Variants in ZC3H7A observed in about 807,000 individuals in gnomAD.
ZC3H7A encodes zinc finger CCCH domain-containing protein 7A.
In ZC3H7A, 44 loss-of-function variants were observed where a neutral mutation model predicts 125.5. The observed-to-expected ratio is 0.35, with a 90% CI of 0.28 to 0.45. The LOEUF (loss-of-function observed/expected upper bound fraction) is 0.45, where lower values mean the gene tolerates loss of function less well. Among genes scored for constraint, ZC3H7A ranks in the 20% least tolerant of loss-of-function variants. The pLI, the probability that ZC3H7A is intolerant of heterozygous loss-of-function variation, is 1.00. For missense variants in ZC3H7A, 977 were observed against 1,170.7 expected, an observed-to-expected ratio of 0.83 and a Z score of 2.41; for synonymous variants, 399 against 391.2, an observed-to-expected ratio of 1.02 and a Z score of -0.23.
chr16:11,772,932 C>A (rs1263080450), intron 9 of ZC3H7A, among the ~76,000 whole-genome samples: 3 of 151,690 alleles, frequency 2.0e-5, no homozygotes, highest in Non-Finnish European at 4.4e-5. Context: ...TCCTGGTGAT[C>A]TGCCTGCCTC....
intron 1 of ZC3H7A, among the ~76,000 whole-genome samples, chr16:11,787,337 A>C (rs1054664731): frequency 7.9e-5 from 12 of 152,132 alleles, no homozygotes; most frequent in African/African-American, 2.9e-4. Context: ...ATTAACTGTC[A>C]CTCTACAAAG....
At chr16:11,764,633 A>G (rs2052822684) in intron 15 of ZC3H7A, among the ~76,000 whole-genome samples, 1 of 152,094 alleles carries the variant, frequency 6.6e-6, no homozygotes, top group Admixed American at 6.6e-5. Flanking sequence ...GAGGCAGGAG[A>G]TTCACTTGAA....
chr16:11,761,394 T>A lies in ZC3H7A; in HGVS notation c.2319+12A>T. On this transcript the variant is annotated intron_variant, in intron 19 of 22. Coordinates refer to ENST00000355758, the MANE Select transcript of ZC3H7A (RefSeq NM_014153.4). ...TAATTTAAAAAAAGTGGCTTAAAAA[T>A]TACGTATGTACATCAAACTGTAAAG... 2 of 1,610,978 alleles carry A rather than the reference T, an allele frequency of 1.2e-6. No homozygotes were observed. The highest frequency in any genetic ancestry group is 2.2e-5 in the South Asian group (2 of 90,166).
chr16:11,760,044 A>AGGAGGTGGAGGT (rs543543890), intron 19 of ZC3H7A, among the ~76,000 whole-genome samples: 1 of 144,218 alleles, frequency 6.9e-6, no homozygotes, highest in African/African-American at 2.6e-5. Context: ...GCTTGAACCC[A>AGGAGGTGGAGGT]GGAGGTGGAG....
chr16:11,769,231 G>A lies in ZC3H7A; in HGVS notation c.1109-136C>T, dbSNP rs2052923978. 6.1e-6 allele frequency: 4 copies of A among 652,510 alleles called. 1 individual carries two copies. The South Asian group carries it at 8.1e-5, about 13-fold the overall frequency. The allele number at this position is 652,510 out of a possible 1,614,324, so 40.4% of individuals were successfully genotyped here. A position where few individuals can be genotyped will look rare whatever the true frequency, so the allele number is the denominator to read the frequency against. On this transcript the variant is annotated intron_variant, in intron 10 of 22. Coordinates refer to ENST00000355758, the MANE Select transcript of ZC3H7A (RefSeq NM_014153.4). ...GTTTCTAGAAATTTTCTTGCTCAAG[G>A]TTGACACCCAAAGAGGGCTCTAGAG... is the stretch of plus-strand genomic sequence containing the variant.
chr16:11,788,047 T>C (rs143559064), intron 1 of ZC3H7A, among the ~76,000 whole-genome samples: 84 of 152,152 alleles, frequency 5.5e-4, no homozygotes, highest in African/African-American at 2.0e-3. Flanking sequence ...AAAAATATAC[T>C]ATCTTATTTT....
At chr16:11,790,562 G>A (rs919342199) in intron 1 of ZC3H7A, among the ~76,000 whole-genome samples, 25 of 152,056 alleles carry the variant, frequency 1.6e-4, no homozygotes, top group South Asian at 1.2e-3. Flanking sequence ...TGTTTGAGAC[G>A]GAGTTTCACT....
chr16:11,766,170 C>T (rs890280662), intron 13 of ZC3H7A, among the ~76,000 whole-genome samples: 2 of 151,866 alleles, frequency 1.3e-5, no homozygotes, highest in Non-Finnish European at 2.9e-5. Flanking sequence ...ATGAAAATAC[C>T]AAGTTCTCTC....
intron 4 of ZC3H7A, among the ~76,000 whole-genome samples, chr16:11,778,436 C>CAAAAAAAA (rs754842530): frequency 1.3e-5 from 1 of 74,090 alleles, no homozygotes; most frequent in Non-Finnish European, 2.6e-5. Context: ...GACACTGTCT[C>CAAAAAAAA]AAAAAAAAAA....
Position 11,765,372 on chromosome 16 carries a change from T to C in ZC3H7A, c.1719+117A>G, listed in dbSNP as rs1322478127. The C allele has an allele frequency of 5.9e-6, 4 of 675,412 alleles. No individual in the cohort carries two copies. Among genetic ancestry groups the C allele is most frequent in the African/African-American group, 1.9e-5 (1 of 53,340 alleles). 41.8% of individuals were successfully genotyped at this position (675,412 alleles called of 1,614,324 possible). On this transcript the variant is annotated intron_variant, in intron 14 of 22. Transcript: ENST00000355758. This position sits in a 1 kb window ranked among gnomAD's most constrained non-coding sequence, Gnocchi z 4.8. The stretch of plus-strand genomic sequence containing the variant: ...TTCATAAATATGATATTATTTATCA[T>C]ATAAATAAATGAATATTTATTCATT...
intron 15 of ZC3H7A, among the ~76,000 whole-genome samples, chr16:11,763,874 G>A (rs1158206583): frequency 1.3e-5 from 2 of 148,890 alleles, no homozygotes; most frequent in African/African-American, 2.5e-5. Context: ...CGCGATCTCG[G>A]CTCACTGCAA....
chr16:11,758,444 C>T lies in ZC3H7A; in HGVS notation c.2415G>A (p.Met805Ile), dbSNP rs1481283103. The change falls in exon 20 of 23, where the codon ATG becomes ATA. Residue 805 changes from methionine to isoleucine, a missense_variant. Transcript: ENST00000355758. ...SPEEREVWTYMKENGIQDMEQ... is the reference protein window; with the variant it reads ...SPEEREVWTYIKENGIQDMEQ... ...AGATTAACTTACTCCCATTCTCCTT[C>T]ATGTAAGTCCAAACTTCTCTTTCCT... 1 of 1,612,538 alleles carries T rather than the reference C, an allele frequency of 6.2e-7. No homozygotes were observed. The highest frequency in any genetic ancestry group is 2.2e-5 in the East Asian group (1 of 44,886).
chr16:11,763,878 A>C (rs1454775129), intron 15 of ZC3H7A, among the ~76,000 whole-genome samples: 1 of 146,656 alleles, frequency 6.8e-6, no homozygotes, highest in East Asian at 2.0e-4. Flanking sequence ...ATCTCGGCTC[A>C]CTGCAAGCTC....
intron 9 of ZC3H7A, among the ~76,000 whole-genome samples, chr16:11,772,312 T>C (rs2141192368): frequency 6.6e-6 from 1 of 151,646 alleles, no homozygotes; most frequent in South Asian, 2.1e-4. Context: ...TGAGACAACC[T>C]CTCTGGAGGT....
In ZC3H7A at chr16:11,765,690, A is replaced by G. The variant is rs550712167; in HGVS notation, c.1523-5T>C. On this transcript the variant is annotated splice_polypyrimidine_tract_variant and splice_region_variant and intron_variant, in intron 13 of 22. Transcript: ENST00000355758. The surrounding 1 kb of genome is among the most constrained non-coding windows in gnomAD (Gnocchi z 4.8). ...ATTCCTCCTCAGCAGCAACATCTAG[A>G]AAGACAGGGAATGGACAGACATTGA... 3 of 1,608,738 alleles carry G rather than the reference A, an allele frequency of 1.9e-6. No individual in the cohort carries two copies. The highest frequency in any genetic ancestry group is 1.1e-5 in the South Asian group (1 of 90,324).
At position 11,765,832 on chromosome 16, in the gene ZC3H7A, G is replaced by C; in HGVS notation, c.1523-147C>G. ...TGATCTTGCCACTGCACTCCAGCCT[G>C]GGCAACAGAGCAAGTCCCAGTGTCA... On this transcript the variant is annotated intron_variant, in intron 13 of 22. Coordinates refer to ENST00000355758, the MANE Select transcript of ZC3H7A (RefSeq NM_014153.4). This position sits in a 1 kb window ranked among gnomAD's most constrained non-coding sequence, Gnocchi z 4.8. 1 of 564,506 alleles carries C rather than the reference G, an allele frequency of 1.8e-6. No individual in the cohort carries two copies. Among genetic ancestry groups the C allele is most frequent in the Non-Finnish European group, 2.9e-6 (1 of 345,220 alleles). The allele number at this position is 564,506 out of a possible 1,614,324, so 35.0% of individuals were successfully genotyped here.
At chr16:11,755,851 C>T (rs1290899491) in intron 21 of ZC3H7A, among the ~76,000 whole-genome samples, 1 of 152,020 alleles carries the variant, frequency 6.6e-6, no homozygotes, top group Non-Finnish European at 1.5e-5. Context: ...GTGACGGAGC[C>T]GGGTTTTGGA....
intron 21 of ZC3H7A, among the ~76,000 whole-genome samples, chr16:11,755,156 G>C (rs538831612): frequency 7.5e-4 from 112 of 149,628 alleles, no homozygotes; most frequent in African/African-American, 2.7e-3. Flanking sequence ...GTTGCAGTGA[G>C]CCAAGACTAC....
chr16:11,773,176 A>G lies in ZC3H7A; in HGVS notation c.903+1060T>C, dbSNP rs2053017038. On this transcript the variant is annotated intron_variant, in intron 9 of 22. Transcript: ENST00000355758. Reference sequence around the variant, plus strand: ...ACGGACCCAGAAATTGGAATGTCATATAATTTTATTGATTGACTGATTGAG... The same window carrying G: ...ACGGACCCAGAAATTGGAATGTCATGTAATTTTATTGATTGACTGATTGAG... 2.6e-5 allele frequency among the ~76,000 whole-genome samples: 4 copies of G among 152,034 alleles called. No individual in the cohort carries two copies. The South Asian group carries it at 8.3e-4, about 32-fold the overall frequency.
Sources: gnomAD v4.1 joint callset for allele counts (sites outside exome capture counted in the v4.1 genomes callset) on GRCh38, gnomAD v4.1.1 for gene constraint, Gnocchi (gnomAD v3.1) non-coding constraint, MANE v1.5 for transcripts, NCBI Gene and HGNC (gene_info 2026-07-23, HGNC 2026-07-21) for gene names.